RPS6KC1: variants seen among roughly 807,000 people sequenced by gnomAD.
The protein encoded by RPS6KC1 is ribosomal protein S6 kinase C1.
RPS6KC1 carries 54 observed loss-of-function variants against 103.8 expected under a neutral mutation model. That is an observed-to-expected ratio of 0.52 (90% CI 0.42 to 0.65). The LOEUF is 0.65. RPS6KC1 is among the 30% of genes least tolerant of loss of function. The pLI is 0.00. For missense variants in RPS6KC1, 1,151 were observed against 1,253.8 expected (o/e 0.92, Z 1.24); for synonymous variants, 439 against 438.7 (o/e 1.00, Z -0.01).
At chr1:213,401,076 C>A in the RPS6KC1 span, among the ~76,000 whole-genome samples, 1 of 152,064 alleles carries the variant, frequency 6.6e-6, no homozygotes, top group African/African-American at 2.4e-5. Context: ...GGGGAGTGGG[C>A]TGAGGGTTGG....
chr1:213,434,050 C>CT, the RPS6KC1 span, among the ~76,000 whole-genome samples: 491 of 136,528 alleles, frequency 3.6e-3, 2 homozygotes, highest in East Asian at 0.015. Flanking sequence ...TTTTTCTTAC[C>CT]TTTTTTTTTT....
the RPS6KC1 span, among the ~76,000 whole-genome samples, chr1:213,353,608 G>A: frequency 4.1e-3 from 626 of 152,336 alleles, 1 homozygote; most frequent in Non-Finnish European, 6.8e-3. Context: ...AAATAGCAAA[G>A]TGAACTGGCC....
At chr1:213,175,843 T>C (rs2091830725) in intron 7 of RPS6KC1, among the ~76,000 whole-genome samples, 1 of 152,236 alleles carries the variant, frequency 6.6e-6, no homozygotes, top group African/African-American at 2.4e-5. Context: ...TTCACAATTA[T>C]TGGTAATTTT....
At chr1:213,775,431 T>G in the RPS6KC1 span, among the ~76,000 whole-genome samples, 1 of 152,188 alleles carries the variant, frequency 6.6e-6, no homozygotes, top group Non-Finnish European at 1.5e-5. Context: ...ACCATCACAA[T>G]AAAGCCAATA....
At chr1:213,409,755 G>C in the RPS6KC1 span, among the ~76,000 whole-genome samples, 1 of 152,210 alleles carries the variant, frequency 6.6e-6, no homozygotes, top group Non-Finnish European at 1.5e-5. Flanking sequence ...GATCTGTCAT[G>C]TTCCAGGAAC....
At chr1:213,178,369 G>A (rs1307925936) in intron 8 of RPS6KC1, among the ~76,000 whole-genome samples, 4 of 151,510 alleles carry the variant, frequency 2.6e-5, no homozygotes, top group African/African-American at 9.7e-5. Flanking sequence ...GTGAAACCCC[G>A]TCTCTACCAA....
chr1:213,363,664 TTCTTTC>T, the RPS6KC1 span, among the ~76,000 whole-genome samples: 1 of 97,374 alleles, frequency 1.0e-5, no homozygotes, highest in Non-Finnish European at 2.0e-5. Context: ...CTTTCTTTCT[TTCTTTC>T]TTTCTTTCTT....
intron 7 of RPS6KC1, among the ~76,000 whole-genome samples, chr1:213,174,425 T>G (rs1213436467): frequency 6.6e-6 from 1 of 152,174 alleles, no homozygotes; most frequent in African/African-American, 2.4e-5. Context: ...GTCCCAGCAC[T>G]TTCGGAGGAC....
chr1:213,607,085 T>C, the RPS6KC1 span, among the ~76,000 whole-genome samples: 1 of 152,218 alleles, frequency 6.6e-6, no homozygotes, highest in Admixed American at 6.5e-5. Flanking sequence ...CCTGAGTATG[T>C]CTTACGTGCT....
chr1:213,516,009 A>C, the RPS6KC1 span, among the ~76,000 whole-genome samples: 4 of 152,062 alleles, frequency 2.6e-5, no homozygotes, highest in African/African-American at 9.7e-5. Flanking sequence ...ATGGGATTTC[A>C]CTCATGATTT....
At chr1:213,584,808 C>G in the RPS6KC1 span, among the ~76,000 whole-genome samples, 1 of 152,174 alleles carries the variant, frequency 6.6e-6, no homozygotes, top group Non-Finnish European at 1.5e-5. Flanking sequence ...TAATATGGAG[C>G]TTGGGAGGTG....
At chr1:213,679,487 A>G in the RPS6KC1 span, among the ~76,000 whole-genome samples, 1 of 151,198 alleles carries the variant, frequency 6.6e-6, no homozygotes, top group Non-Finnish European at 1.5e-5. Flanking sequence ...TAGAGAAGAC[A>G]AGTAACTCAA....
chr1:213,803,905 A>G, the RPS6KC1 span, among the ~76,000 whole-genome samples: 2 of 139,394 alleles, frequency 1.4e-5, no homozygotes, highest in Non-Finnish European at 3.0e-5. Flanking sequence ...CAAAATGGAC[A>G]CTGGATCTGA....
At chr1:213,250,903 T>C (rs1009663258) in intron 12 of RPS6KC1, among the ~76,000 whole-genome samples, 6 of 152,112 alleles carry the variant, frequency 3.9e-5, no homozygotes, top group African/African-American at 1.4e-4. Context: ...TTTAAATGAA[T>C]TTGTTTTTGA....
chr1:213,092,951 A>T (rs1317502950), intron 3 of RPS6KC1, among the ~76,000 whole-genome samples: 3 of 152,144 alleles, frequency 2.0e-5, no homozygotes, highest in African/African-American at 7.2e-5. Flanking sequence ...TAAAAAAGAA[A>T]CTTGTCACTG....
chr1:213,748,040 G>C, the RPS6KC1 span, among the ~76,000 whole-genome samples: 1 of 152,146 alleles, frequency 6.6e-6, no homozygotes, highest in East Asian at 1.9e-4. Context: ...GAGGAGCCAG[G>C]TGGGTTACAA....
chr1:213,754,355 C>T, the RPS6KC1 span, among the ~76,000 whole-genome samples: 1 of 152,226 alleles, frequency 6.6e-6, no homozygotes, highest in African/African-American at 2.4e-5. Flanking sequence ...CTTAAATTCC[C>T]TCTCAAAGGC....
the RPS6KC1 span, among the ~76,000 whole-genome samples, chr1:213,758,786 C>A: frequency 6.6e-6 from 1 of 152,090 alleles, no homozygotes; most frequent in African/African-American, 2.4e-5. Context: ...TTGCTGCAAT[C>A]TCGTGGTAAA....
chr1:213,716,512 A>G, the RPS6KC1 span, among the ~76,000 whole-genome samples: 1 of 152,204 alleles, frequency 6.6e-6, no homozygotes, highest in East Asian at 1.9e-4. Context: ...CATATTCTTG[A>G]GCAGAATCTT....
Sources: gnomAD v4.1 joint callset for allele counts (sites outside exome capture counted in the v4.1 genomes callset) on GRCh38, gnomAD v4.1.1 for gene constraint, MANE v1.5 for transcripts, NCBI Gene and HGNC (gene_info 2026-07-23, HGNC 2026-07-21) for gene names.